Variants in DMC1 observed in about 807,000 individuals in gnomAD.
DMC1 encodes meiotic recombination protein DMC1 homolog.
DMC1 carries 27 observed loss-of-function variants against 50.1 expected under a neutral mutation model. The observed-to-expected ratio is 0.54, with a 90% confidence interval of 0.40 to 0.74. The LOEUF (loss-of-function observed/expected upper bound fraction) is 0.74, where lower values mean the gene tolerates loss of function less well. DMC1 is among the 30% of genes least tolerant of loss of function. The pLI is 0.00. For missense variants in DMC1, 295 were observed against 420.2 expected, an observed-to-expected ratio of 0.70 and a Z score of 2.60; for synonymous variants, 148 against 136.1, an observed-to-expected ratio of 1.09 and a Z score of -0.61.
At chr22:38,544,525 A>G (rs2052952727) in intron 8 of DMC1, among the ~76,000 whole-genome samples, 1 of 152,122 alleles carries the variant, frequency 6.6e-6, no homozygotes, top group Non-Finnish European at 1.5e-5. Context: ...ATGTCTCCCA[A>G]AATGTGTAGA....
At chr22:38,513,578 TTTC>T in the DMC1 span, among the ~76,000 whole-genome samples, 1 of 152,116 alleles carries the variant, frequency 6.6e-6, no homozygotes, top group Non-Finnish European at 1.5e-5. Flanking sequence ...CTCTTTCTTT[TTTC>T]TTTTCTTTTT....
chr22:38,511,123 G>T, the DMC1 span, among the ~76,000 whole-genome samples: 2 of 151,932 alleles, frequency 1.3e-5, no homozygotes, highest in South Asian at 4.2e-4. Context: ...GACAGACTGA[G>T]ACCCCATCTG....
In DMC1 at chr22:38,521,094, T is replaced by C. The variant is rs577987939; in HGVS notation, c.953+514A>G. On this transcript the variant is annotated intron_variant, in intron 13 of 13. Transcript: ENST00000216024. ...TGCTGAGAAAGAATATAGGGTATAA[T>C]ATACTGAGTAGCCTAGACTGTAAGG... Among the ~76,000 whole-genome samples, 3 of 152,238 alleles carry C rather than the reference T, an allele frequency of 2.0e-5. No homozygotes were observed. In the South Asian group the frequency reaches 6.2e-4, roughly 32 times the overall value.
In DMC1 at chr22:38,549,913, T is replaced by TA. The variant is rs754996893; in HGVS notation, c.494+11dup. 3 of 1,599,928 alleles carry TA rather than the reference T, an allele frequency of 1.9e-6. No individual in the cohort carries two copies. Among genetic ancestry groups the TA allele is most frequent in the Admixed American group, 1.7e-5 (1 of 59,942 alleles). ...ACACTATTATGTTAGCAACTTTAAA[T>TA]AAAAAGGTTACAAAGTATTTTCTGT... is the stretch of plus-strand genomic sequence containing the variant. On this transcript the variant is annotated intron_variant, in intron 8 of 13. Transcript: ENST00000216024.
rs772670633 is a variant in DMC1 at position 38,520,097 on chromosome 22, A to C, written c.954-8T>G. 1.2e-6 allele frequency: 2 copies of C among 1,609,912 alleles called. No homozygotes were observed. Among genetic ancestry groups the C allele is most frequent in the Admixed American group, 3.3e-5 (2 of 59,966 alleles). ...TTTTCAGGCATCTCAGGACTAACAG[A>C]ATACAAGGGAACAGAAGTTTATAAA... is the stretch of plus-strand genomic sequence containing the variant. On this transcript the variant is annotated splice_region_variant and splice_polypyrimidine_tract_variant and intron_variant, in intron 13 of 13. Transcript: ENST00000216024.
chr22:38,554,828 A>G (rs2090451806), intron 6 of DMC1, among the ~76,000 whole-genome samples: 2 of 152,126 alleles, frequency 1.3e-5, no homozygotes, highest in South Asian at 4.2e-4. Context: ...AGCTGGGCGC[A>G]GTGGCTCACG....
intron 11 of DMC1, among the ~76,000 whole-genome samples, 182 bp from the exon 12 acceptor site, chr22:38,537,834 A>T: frequency 6.6e-6 from 1 of 152,178 alleles, no homozygotes; most frequent in East Asian, 1.9e-4. Context: ...AGGTTAGAAT[A>T]AATATTTTTG....
At chr22:38,553,684 C>T (rs1467848057) in intron 6 of DMC1, among the ~76,000 whole-genome samples, 2 of 151,084 alleles carry the variant, frequency 1.3e-5, no homozygotes, top group Non-Finnish European at 2.9e-5. Context: ...ATTAGCTGGG[C>T]ATGGTGGCTC....
At chr22:38,510,434 G>T in the DMC1 span, among the ~76,000 whole-genome samples, 32 of 152,120 alleles carry the variant, frequency 2.1e-4, no homozygotes, top group Non-Finnish European at 3.2e-4. Context: ...CAACCTGAGC[G>T]ACAGAGCAAG....
Position 38,538,346 on chromosome 22 carries a change from G to A in DMC1, c.724C>T (p.Arg242Trp), listed in dbSNP as rs1477150457. The A allele has an allele frequency of 2.5e-6, 4 of 1,613,888 alleles. No individual in the cohort carries two copies. Among genetic ancestry groups the A allele is most frequent in the Non-Finnish European group, 3.4e-6 (4 of 1,180,002 alleles). Residue 242 changes from arginine to tryptophan, a missense_variant, in exon 11 of 14, where the codon CGG becomes TGG. Coordinates refer to ENST00000216024, the MANE Select transcript of DMC1 (RefSeq NM_007068.4). ...DFSGRGELAE[R>W]QQKLAQMLSR... The stretch of plus-strand genomic sequence containing the variant: ...AACATCTGGGCCAATTTTTGCTGCC[G>A]TTCGGCCAACTCCCCACGGCCACTG...
chr22:38,566,405 C>T (rs1476855241), intron 4 of DMC1, among the ~76,000 whole-genome samples, 185 bp downstream of exon 4: 1 of 152,140 alleles, frequency 6.6e-6, no homozygotes, highest in Non-Finnish European at 1.5e-5. Flanking sequence ...TCCCTACCTT[C>T]ATCTTTCAGA....
chr22:38,542,029 C>A lies in DMC1; in HGVS notation c.495-2617G>T, dbSNP rs527743065. 5.3e-4 allele frequency among the ~76,000 whole-genome samples: 78 copies of A among 146,000 alleles called. 1 individual carries two copies. In the East Asian group the frequency reaches 0.013, roughly 24 times the overall value. On this transcript the variant is annotated intron_variant, in intron 8 of 13. Coordinates refer to ENST00000216024, the MANE Select transcript of DMC1 (RefSeq NM_007068.4). The stretch of plus-strand genomic sequence containing the variant: ...ACGTTCATTTATGATAAAAAAAAAA[C>A]CCTCAAAAAATTGGGTATAGAAGGA...
chr22:38,569,045 G>A (rs1369447802), intron 1 of DMC1, among the ~76,000 whole-genome samples: 21 of 151,950 alleles, frequency 1.4e-4, no homozygotes, highest in Non-Finnish European at 2.6e-4. Flanking sequence ...TTAGCCGGGC[G>A]TGGTGGTGGG....
At chr22:38,568,435 CAT>C (rs2090603501) in intron 1 of DMC1, 146 bp from the exon 2 acceptor site, 1 of 650,812 alleles carries the variant, frequency 1.5e-6, no homozygotes, top group East Asian at 2.8e-5. Context: ...TTCTGCGAGA[CAT>C]GTGACATTAT....
intron 12 of DMC1, among the ~76,000 whole-genome samples, chr22:38,535,866 C>T (rs985813295): frequency 6.6e-6 from 1 of 151,680 alleles, no homozygotes; most frequent in Admixed American, 6.6e-5. Context: ...CCTCGGCCTC[C>T]CAAAGTGCTG....
chr22:38,562,760 C>CACATATATACATATATGTGTATACATAT lies in DMC1; in HGVS notation c.244-419_244-392dup, dbSNP rs1159471682. Among the ~76,000 whole-genome samples, 272 of 151,858 alleles carry CACATATATACATATATGTGTATACATAT rather than the reference C, an allele frequency of 1.8e-3. 1 individual carries two copies. The highest frequency in any genetic ancestry group is 0.01 in the Middle Eastern group (3 of 292). On this transcript the variant is annotated intron_variant, in intron 4 of 13. Transcript: ENST00000216024. ...TACACATATATACACACGTTATATA[C>CACATATATACATATATGTGTATACATAT]ACATATATACATATATGTGTATACA...
intron 6 of DMC1, 49 bp from the exon 7 acceptor site, chr22:38,552,756 A>C (rs1569166102): frequency 8.0e-7 from 1 of 1,253,132 alleles, no homozygotes; most frequent in Non-Finnish European, 1.2e-6. Flanking sequence ...ATTTCCAGAT[A>C]TTTTCATAAA....
chr22:38,547,178 T>A (rs573300908), intron 8 of DMC1, among the ~76,000 whole-genome samples: 5,054 of 152,076 alleles, frequency 0.033, 264 homozygotes, highest in African/African-American at 0.12. Context: ...CTGGGATTTA[T>A]AGCAACCACA....
chr22:38,511,008 C>G, the DMC1 span, among the ~76,000 whole-genome samples: 2 of 152,162 alleles, frequency 1.3e-5, no homozygotes, highest in Admixed American at 6.5e-5. Flanking sequence ...GTGGCATGTG[C>G]CTATAGTCCC....
Sources: allele counts gnomAD v4.1 joint callset (sites outside exome capture counted in the v4.1 genomes callset), GRCh38; gene constraint gnomAD v4.1.1; transcripts MANE v1.5; gene names NCBI Gene and HGNC (gene_info 2026-07-23, HGNC 2026-07-21).